PLCB4: variants seen among roughly 807,000 people sequenced by gnomAD.
The protein encoded by PLCB4 is 1-phosphatidylinositol 4,5-bisphosphate phosphodiesterase beta-4.
PLCB4 carries 77 observed loss-of-function variants against 178.8 expected under a neutral mutation model. The ratio of observed to expected loss-of-function variants is 0.43; its 90% CI spans 0.36 to 0.52. The LOEUF (loss-of-function observed/expected upper bound fraction) is 0.52, where lower values mean the gene tolerates loss of function less well. Among genes scored for constraint, PLCB4 ranks in the 20% least tolerant of loss-of-function variants. The probability of loss-of-function intolerance (pLI) is 0.00; values close to 1 mark genes in which losing one functional copy is unlikely to be tolerated. For synonymous variants in PLCB4, 496 were observed against 490.8 expected, an observed-to-expected ratio of 1.01 and a Z score of -0.14; for missense variants, 1,024 against 1,453.4, an observed-to-expected ratio of 0.70 and a Z score of 4.80.
At chr20:9,197,270 T>A (rs2093483688) in intron 2 of PLCB4, among the ~76,000 whole-genome samples, 1 of 152,192 alleles carries the variant, frequency 6.6e-6, no homozygotes, top group African/African-American at 2.4e-5. Flanking sequence ...ATTAAGCAAT[T>A]CCACAGATTC....
At chr20:9,452,514 G>A (rs1441382711) in intron 32 of PLCB4, among the ~76,000 whole-genome samples, 1 of 152,138 alleles carries the variant, frequency 6.6e-6, no homozygotes, top group East Asian at 1.9e-4. Context: ...ATTTCTGATT[G>A]TACTGATTTC....
chr20:9,382,694 A>C (rs1460757698), intron 13 of PLCB4, among the ~76,000 whole-genome samples: 1 of 152,118 alleles, frequency 6.6e-6, no homozygotes, highest in Non-Finnish European at 1.5e-5. Flanking sequence ...CCCATATTTA[A>C]CACAGCATCC....
rs1361308801 is a variant in PLCB4, at chr20:9,479,246, A to G, written c.*237A>G. On this transcript the variant is annotated 3_prime_UTR_variant, in exon 40 of 40. Transcript: ENST00000378473. ...TACTATTCCAGTAAGGCAGAGTCCA[A>G]CCATTGATAATACAACTTAAACATG... 7 of 522,076 alleles carry G rather than the reference A, an allele frequency of 1.3e-5. No homozygotes were observed. In the East Asian group the frequency reaches 1.6e-4, roughly 12 times the overall value. 32.3% of individuals were successfully genotyped at this position (522,076 alleles called of 1,614,324 possible).
rs757756022 is a variant in PLCB4, at chr20:9,337,994, TTC to T, written c.166-6_166-5del. The T allele has an allele frequency of 5.6e-6, 9 of 1,606,160 alleles. No homozygotes were observed. In the South Asian group the frequency reaches 9.9e-5, roughly 18 times the overall value. Reference sequence around the variant, plus strand: ...AATTTAAGCTCATTGCTGTGTTGTATTCTCTCTCTTCAGGAAGGACAGGTGCT... The same window carrying T: ...AATTTAAGCTCATTGCTGTGTTGTATTCTCTCTTCAGGAAGGACAGGTGCT... On this transcript the variant is annotated splice_polypyrimidine_tract_variant and intron_variant, in intron 5 of 39. Coordinates refer to ENST00000378473, the MANE Select transcript of PLCB4 (RefSeq NM_001377142.1).
intron 4 of PLCB4, among the ~76,000 whole-genome samples, chr20:9,336,613 G>A (rs925052849): frequency 6.6e-6 from 1 of 151,930 alleles, no homozygotes; most frequent in African/African-American, 2.4e-5. Flanking sequence ...GATGCTGCTG[G>A]TCTAGTGACT....
At chr20:9,474,214 C>CAAAAAAAAAAA (rs138592969) in intron 38 of PLCB4, among the ~76,000 whole-genome samples, 1 of 120,620 alleles carries the variant, frequency 8.3e-6, no homozygotes, top group Non-Finnish European at 1.8e-5. Flanking sequence ...GACTCCATCT[C>CAAAAAAAAAAA]AAAAAAAAAA....
chr20:9,258,546 C>G (rs2094261040), intron 3 of PLCB4, among the ~76,000 whole-genome samples: 1 of 151,784 alleles, frequency 6.6e-6, no homozygotes, highest in Non-Finnish European at 1.5e-5. Context: ...GAAACCCCGT[C>G]TCTACTAAAA....
chr20:9,138,787 C>G (rs963411590), intron 2 of PLCB4, among the ~76,000 whole-genome samples: 1 of 152,072 alleles, frequency 6.6e-6, no homozygotes, highest in South Asian at 2.1e-4. Context: ...CTTAAGGGGT[C>G]AGCAGTCTTG....
intron 2 of PLCB4, among the ~76,000 whole-genome samples, chr20:9,191,874 C>G (rs889883894): frequency 6.7e-6 from 1 of 149,136 alleles, no homozygotes; most frequent in African/African-American, 2.6e-5. Flanking sequence ...TTAATTCATT[C>G]TGTATGTTTT....
chr20:9,271,253 G>T (rs569383188), intron 3 of PLCB4, among the ~76,000 whole-genome samples: 1 of 152,194 alleles, frequency 6.6e-6, no homozygotes, highest in East Asian at 1.9e-4. Context: ...ACTTTCTCAG[G>T]CTCAGCTGAA....
At chr20:9,140,113 A>C (rs974069148) in intron 2 of PLCB4, among the ~76,000 whole-genome samples, 5 of 151,990 alleles carry the variant, frequency 3.3e-5, no homozygotes. Context: ...AAGTTTGTCT[A>C]ATATGCGTCT....
Position 9,439,560 on chromosome 20 carries a change from T to C in PLCB4, c.2764+2408T>C, listed in dbSNP as rs2041985756. On this transcript the variant is annotated intron_variant, in intron 30 of 39. Transcript: ENST00000378473. ...TGCTCTCTGCTGAGAAACGTAGAGG[T>C]AGAACTGAAAAACAGCAGTATAGAA... Among the ~76,000 whole-genome samples the C allele has an allele frequency of 3.3e-5, 5 of 152,092 alleles. No individual in the cohort carries two copies. In the South Asian group the frequency reaches 1.0e-3, roughly 32 times the overall value.
chr20:9,174,053 A>G (rs1215107127), intron 2 of PLCB4, among the ~76,000 whole-genome samples: 1 of 152,184 alleles, frequency 6.6e-6, no homozygotes, highest in Non-Finnish European at 1.5e-5. Flanking sequence ...TAAATGCTAT[A>G]TTAAATAATC....
At position 9,378,584 on chromosome 20, in the gene PLCB4, A is replaced by G. The variant is rs375715696; in HGVS notation, c.745-1470A>G. On this transcript the variant is annotated intron_variant, in intron 12 of 39. Transcript: ENST00000378473. ...CTGGCATTCCATGGTCCACCTCACA[A>G]TCCTCTTCCCTGCATATCCCATAAC... Among the ~76,000 whole-genome samples, 5 of 151,560 alleles carry G rather than the reference A, an allele frequency of 3.3e-5. No homozygotes were observed. In the East Asian group the frequency reaches 7.8e-4, roughly 24 times the overall value.
At chr20:9,210,751 G>T (rs1333843903) in intron 2 of PLCB4, among the ~76,000 whole-genome samples, 1 of 152,162 alleles carries the variant, frequency 6.6e-6, no homozygotes, top group Non-Finnish European at 1.5e-5. Context: ...AGGCCCATGG[G>T]CAGCCTCTCT....
chr20:9,255,829 T>C (rs2094228262), intron 3 of PLCB4, among the ~76,000 whole-genome samples: 1 of 152,092 alleles, frequency 6.6e-6, no homozygotes. Context: ...TAAGTCTTTA[T>C]TTGCAAAAAT....
chr20:9,351,833 A>G (rs150478585), intron 7 of PLCB4, among the ~76,000 whole-genome samples: 15 of 152,290 alleles, frequency 9.8e-5, no homozygotes, highest in East Asian at 9.6e-4. Flanking sequence ...TTGAAATACT[A>G]TTTACTTTGG....
intron 3 of PLCB4, among the ~76,000 whole-genome samples, chr20:9,250,243 C>T (rs186156078): frequency 3.9e-5 from 6 of 152,298 alleles, no homozygotes; most frequent in East Asian, 3.9e-4. Flanking sequence ...ATGAAAGTGA[C>T]GGACACACTC....
intron 4 of PLCB4, among the ~76,000 whole-genome samples, chr20:9,327,988 A>G (rs763008373): frequency 4.6e-5 from 7 of 152,192 alleles, no homozygotes; most frequent in Middle Eastern, 3.4e-3. Context: ...AAAATACCCA[A>G]TTGTTTCTGC....
Sources: gnomAD v4.1 joint callset for allele counts (sites outside exome capture counted in the v4.1 genomes callset) on GRCh38, gnomAD v4.1.1 for gene constraint, MANE v1.5 for transcripts, NCBI Gene and HGNC (gene_info 2026-07-23, HGNC 2026-07-21) for gene names.